ESR1: variants seen among roughly 807,000 people sequenced by gnomAD.
ESR1 encodes the protein estrogen receptor.
A neutral mutation model predicts 52.7 loss-of-function variants in ESR1; 12 were observed. That is an observed-to-expected ratio of 0.23 (90% confidence interval 0.15 to 0.37). The LOEUF is 0.37. ESR1 is among the 10% of genes least tolerant of loss of function. The pLI is 1.00. For missense variants in ESR1, 584 were observed against 779.7 expected, an observed-to-expected ratio of 0.75 and a Z score of 2.99; for synonymous variants, 305 against 316.8, an observed-to-expected ratio of 0.96 and a Z score of 0.39.
downstream of ESR1, among the ~76,000 whole-genome samples, chr6:152,108,007 A>G (rs767597465): frequency 2.6e-5 from 4 of 152,194 alleles, no homozygotes; most frequent in Non-Finnish European, 5.9e-5. Context: ...TGGCTGGAGA[A>G]TGCATTCAAT....
intron 2 of ESR1, among the ~76,000 whole-genome samples, chr6:151,854,840 A>G (rs1787520912): frequency 6.6e-6 from 1 of 152,246 alleles, no homozygotes; most frequent in Admixed American, 6.5e-5. Flanking sequence ...AGTTCATAAA[A>G]TAGTATAAAT....
At chr6:152,078,275 G>A (rs2048906046) in intron 6 of ESR1, among the ~76,000 whole-genome samples, 1 of 152,144 alleles carries the variant, frequency 6.6e-6, no homozygotes, top group Non-Finnish European at 1.5e-5. Flanking sequence ...CAAGCATAAG[G>A]AAGAAGTATA....
At chr6:151,974,546 G>A (rs1008320014) in intron 4 of ESR1, among the ~76,000 whole-genome samples, 2 of 152,096 alleles carry the variant, frequency 1.3e-5, no homozygotes, top group Non-Finnish European at 2.9e-5. Context: ...TTTCAACTCC[G>A]TTCCATGCCA....
chr6:152,119,557 T>G (rs900717148), intron 6 of ESR1, among the ~76,000 whole-genome samples: 5 of 151,676 alleles, frequency 3.3e-5, no homozygotes, highest in African/African-American at 1.2e-4. Context: ...TCCCTTCCCA[T>G]CCTTCCTGGT....
intron 2 of ESR1, among the ~76,000 whole-genome samples, chr6:151,748,714 G>A (rs9479103): frequency 0.04 from 6,108 of 152,158 alleles, 431 homozygotes; most frequent in African/African-American, 0.14. Flanking sequence ...AATGTGGTAG[G>A]TAAAAAATAG....
At chr6:152,047,372 G>A (rs1198137492) in intron 5 of ESR1, among the ~76,000 whole-genome samples, 1 of 151,964 alleles carries the variant, frequency 6.6e-6, no homozygotes, top group African/African-American at 2.4e-5. Context: ...TTTAGTTATT[G>A]GAACTCCAAC....
intron 2 of ESR1, among the ~76,000 whole-genome samples, chr6:151,709,620 A>C (rs1780437826): frequency 6.6e-6 from 1 of 152,086 alleles, no homozygotes; most frequent in African/African-American, 2.4e-5. Flanking sequence ...CCTTGCCAAC[A>C]CTTTTAATCT....
rs780857187 is a variant in ESR1, at chr6:151,808,251, G to T, written c.339G>T (p.Pro113=). 3 of 1,578,142 alleles carry T rather than the reference G, an allele frequency of 1.9e-6. No homozygotes were observed. In the South Asian group the frequency reaches 3.5e-5, roughly 18 times the overall value. The change falls in exon 1 of 8, where the codon CCG becomes CCT. Residue 113 remains proline (P), a synonymous_variant. Transcript: ENST00000206249. The part of the protein sequence containing the change: ...VSPSPLMLLH[P]PPQLSPFLQP... ...CGAGCCCGCTGATGCTACTGCACCCGCCGCCGCAGCTGTCGCCTTTCCTGC... is the reference window on the plus strand; with the variant it reads ...CGAGCCCGCTGATGCTACTGCACCCTCCGCCGCAGCTGTCGCCTTTCCTGC...
At chr6:151,785,177 C>T in intron 2 of ESR1, among the ~76,000 whole-genome samples, 1 of 152,162 alleles carries the variant, frequency 6.6e-6, no homozygotes, top group Middle Eastern at 3.2e-3. Flanking sequence ...AATTGGCCAT[C>T]ACAGTGACCA....
chr6:151,855,642 G>T (rs1223719428), intron 2 of ESR1, among the ~76,000 whole-genome samples: 4 of 152,154 alleles, frequency 2.6e-5, no homozygotes, highest in African/African-American at 9.7e-5. Flanking sequence ...CCAGCTAAGG[G>T]TTCTGCTTAT....
intron 5 of ESR1, among the ~76,000 whole-genome samples, chr6:152,026,186 T>A (rs1306667025): frequency 2.0e-5 from 3 of 152,102 alleles, no homozygotes; most frequent in Admixed American, 1.3e-4. Context: ...CTTATAAAGA[T>A]AGAAGGTAAA....
intron 1 of ESR1, among the ~76,000 whole-genome samples, chr6:151,841,122 T>C (rs1349750127): frequency 6.6e-6 from 1 of 152,230 alleles, no homozygotes; most frequent in African/African-American, 2.4e-5. Context: ...TCTAGTTTCC[T>C]TCTTGGCTTT....
intron 1 of ESR1, among the ~76,000 whole-genome samples, chr6:151,668,214 C>T (rs1777897643): frequency 6.6e-6 from 1 of 152,122 alleles, no homozygotes; most frequent in Non-Finnish European, 1.5e-5. Context: ...CATGGTGCCT[C>T]CAGAGGACAG....
intron 6 of ESR1, among the ~76,000 whole-genome samples, chr6:152,086,436 T>C (rs2049728172): frequency 6.7e-6 from 1 of 148,524 alleles, no homozygotes; most frequent in Non-Finnish European, 1.5e-5. Context: ...TAATAATTAA[T>C]ATTTAAATAA....
intron 6 of ESR1, among the ~76,000 whole-genome samples, chr6:152,109,545 G>A (rs1039350941): frequency 2.0e-5 from 3 of 152,094 alleles, no homozygotes; most frequent in East Asian, 1.9e-4. Flanking sequence ...AATTACCTGG[G>A]TGTGGTGGTG....
At chr6:151,702,161 T>C (rs1013002295) in intron 2 of ESR1, among the ~76,000 whole-genome samples, 2 of 152,172 alleles carry the variant, frequency 1.3e-5, no homozygotes, top group African/African-American at 4.8e-5. Flanking sequence ...ACACCTACTA[T>C]CTGATGGGCA....
At position 152,009,174 on chromosome 6, in the gene ESR1, C is replaced by A. The variant is rs75506034; in HGVS notation, c.1097-2482C>A. Among the ~76,000 whole-genome samples, 730 of 152,136 alleles carry A rather than the reference C, an allele frequency of 4.8e-3. 10 individuals are homozygous for A. Among genetic ancestry groups the A allele is most frequent in the African/African-American group, 0.017 (694 of 41,532 alleles). ...TTCATCTTTTACTTATCCTTATAAA[C>A]AAAGCCACCCACTTTCTCATTTTTC... On this transcript the variant is annotated intron_variant, in intron 4 of 7. Transcript: ENST00000206249.
chr6:151,812,827 A>G (rs541219325), intron 1 of ESR1, among the ~76,000 whole-genome samples: 6 of 152,218 alleles, frequency 3.9e-5, no homozygotes, highest in African/African-American at 9.6e-5. Flanking sequence ...AAGATGCTCT[A>G]TTAATCCAAA....
intron 2 of ESR1, among the ~76,000 whole-genome samples, chr6:151,722,291 T>C (rs1448686129): frequency 6.6e-6 from 1 of 152,172 alleles, no homozygotes; most frequent in Non-Finnish European, 1.5e-5. Flanking sequence ...CTTCTCTCTG[T>C]AGGTGAGAGA....
Sources: gnomAD v4.1 joint callset for allele counts (sites outside exome capture counted in the v4.1 genomes callset) on GRCh38, gnomAD v4.1.1 for gene constraint, MANE v1.5 for transcripts, NCBI Gene and HGNC (gene_info 2026-07-23, HGNC 2026-07-21) for gene names.